The following RAPGEF4 variants were observed in gnomAD, a reference collection of about 807,000 sequenced individuals.
The protein encoded by RAPGEF4 is RAP guanine-nucleotide-exchange factor (GEF) 4.
A neutral mutation model predicts 147.9 loss-of-function variants in RAPGEF4; 66 were observed. That is an observed-to-expected ratio of 0.45 (90% CI 0.37 to 0.55). The LOEUF is 0.55. Among genes scored for constraint, RAPGEF4 ranks in the 20% least tolerant of loss-of-function variants. RAPGEF4 has a pLI of 0.00. For missense variants in RAPGEF4, 1,071 were observed against 1,257.3 expected, an observed-to-expected ratio of 0.85 and a Z score of 2.24; for synonymous variants, 419 against 442.7, an observed-to-expected ratio of 0.95 and a Z score of 0.67.
chr2:173,036,772 C>T lies in RAPGEF4; in HGVS notation c.2853+80C>T, dbSNP rs562512653. On this transcript the variant is annotated intron_variant, in intron 29 of 30. Transcript: ENST00000397081. ...TTTTTTCTAATAAAGGAAATAATTT[C>T]CATATATGCTGCCCTGCTAAAAAGG... is the stretch of plus-strand genomic sequence containing the variant. The T allele has an allele frequency of 4.0e-5, 40 of 989,528 alleles. No homozygotes were observed. The South Asian group carries it at 5.5e-4, about 14-fold the overall frequency. The allele number at this position is 989,528 out of a possible 1,614,324, so 61.3% of individuals were successfully genotyped here.
At chr2:172,743,957 T>C (rs1694540855) in intron 1 of RAPGEF4, among the ~76,000 whole-genome samples, 2 of 152,230 alleles carry the variant, frequency 1.3e-5, no homozygotes. Context: ...GCATTCTTTG[T>C]TTGGTGTTCT....
chr2:173,005,373 C>T (rs1355560879), intron 17 of RAPGEF4, among the ~76,000 whole-genome samples: 5 of 152,016 alleles, frequency 3.3e-5, no homozygotes, highest in Non-Finnish European at 5.9e-5. Flanking sequence ...GTGATCACAA[C>T]GAAGTCAATA....
At position 172,835,575 on chromosome 2, in the gene RAPGEF4, G is replaced by A. The variant is rs187617260; in HGVS notation, c.444+21150G>A. On this transcript the variant is annotated intron_variant, in intron 4 of 30. Coordinates refer to ENST00000397081, the MANE Select transcript of RAPGEF4 (RefSeq NM_007023.4). ...ATAATAAAATATAGCTTGTGTGGTG[G>A]TGGCATGCCTAGCACATGAATAAAC... is the stretch of plus-strand genomic sequence containing the variant. 3.9e-5 allele frequency among the ~76,000 whole-genome samples: 6 copies of A among 152,226 alleles called. No homozygotes were observed. The East Asian group carries it at 1.2e-3, about 29-fold the overall frequency.
intron 4 of RAPGEF4, among the ~76,000 whole-genome samples, chr2:172,901,196 T>C: frequency 6.6e-6 from 1 of 152,236 alleles, no homozygotes; most frequent in East Asian, 1.9e-4. Context: ...TTTTTAAAAC[T>C]AAATTTTCAC....
chr2:172,956,191 G>A (rs1056898279), intron 6 of RAPGEF4, among the ~76,000 whole-genome samples: 1 of 152,244 alleles, frequency 6.6e-6, no homozygotes, highest in Admixed American at 6.5e-5. Context: ...ACCTGGCTCA[G>A]GCCCTGGTCA....
At position 172,814,422 on chromosome 2, in the gene RAPGEF4, G is replaced by A; in HGVS notation, c.441G>A (p.Trp147Ter). 6.2e-7 allele frequency: 1 copy of A among 1,614,116 alleles called. No individual in the cohort carries two copies. ...RIEQKDFKAL[W>*]EKYRQYMAGL... ...AGCAGAAGGACTTCAAGGCACTATG[G>A]GAGGTGAGCCCTAAGGCTTCTTTGT... Residue 147 changes from tryptophan to a stop codon, truncating the protein, a stop_gained, in exon 4 of 31, where the codon TGG becomes TGA. Coordinates refer to ENST00000397081, the MANE Select transcript of RAPGEF4 (RefSeq NM_007023.4). LOFTEE classifies it high-confidence loss of function.
chr2:172,776,967 A>G (rs1317239734), intron 1 of RAPGEF4, among the ~76,000 whole-genome samples: 1 of 151,938 alleles, frequency 6.6e-6, no homozygotes, highest in African/African-American at 2.4e-5. Flanking sequence ...ACATCTTCCT[A>G]TTTCTTTGCA....
intron 6 of RAPGEF4, among the ~76,000 whole-genome samples, chr2:172,928,847 C>T (rs1448678378): frequency 6.6e-6 from 1 of 152,168 alleles, no homozygotes; most frequent in African/African-American, 2.4e-5. Context: ...ATGAGTTTCT[C>T]TTTGGCCAAC....
chr2:172,773,781 A>G (rs1376562552), intron 1 of RAPGEF4, among the ~76,000 whole-genome samples: 1 of 148,940 alleles, frequency 6.7e-6, no homozygotes, highest in African/African-American at 2.5e-5. Context: ...AAAACAAAAC[A>G]AAACAAATGT....
chr2:172,945,623 A>G (rs948620156), intron 6 of RAPGEF4, among the ~76,000 whole-genome samples: 5 of 152,190 alleles, frequency 3.3e-5, no homozygotes, highest in Non-Finnish European at 7.4e-5. Context: ...GTGTAGGACA[A>G]AGACCTTTTT....
At chr2:172,849,424 TTCTC>T (rs1260238922) in intron 4 of RAPGEF4, among the ~76,000 whole-genome samples, 6 of 152,200 alleles carry the variant, frequency 3.9e-5, no homozygotes, top group Non-Finnish European at 5.9e-5. Flanking sequence ...ATAGGGAAAA[TTCTC>T]TCTTTTTTCT....
At chr2:172,994,349 G>A (rs1471564921) in intron 15 of RAPGEF4, among the ~76,000 whole-genome samples, 2 of 152,162 alleles carry the variant, frequency 1.3e-5, no homozygotes, top group African/African-American at 2.4e-5. Context: ...TCTCCATGTG[G>A]AGCGTCTTGC....
At chr2:172,972,579 C>A (rs1473362388) in intron 10 of RAPGEF4, among the ~76,000 whole-genome samples, 1 of 152,188 alleles carries the variant, frequency 6.6e-6, no homozygotes, top group Non-Finnish European at 1.5e-5. Context: ...CAAGTGAAAG[C>A]TTGTAGAATT....
chr2:172,750,283 G>T (rs756625092), intron 1 of RAPGEF4, among the ~76,000 whole-genome samples: 66 of 151,960 alleles, frequency 4.3e-4, no homozygotes, highest in Non-Finnish European at 8.5e-4. Flanking sequence ...AATTTATAAA[G>T]AAAAAAAGGT....
chr2:172,771,793 A>G (rs955127959), intron 1 of RAPGEF4, among the ~76,000 whole-genome samples: 1 of 152,166 alleles, frequency 6.6e-6, no homozygotes, highest in Non-Finnish European at 1.5e-5. Context: ...TGCATCTGCA[A>G]GTAAGTAAAC....
At chr2:172,771,583 G>A (rs757917901) in intron 1 of RAPGEF4, among the ~76,000 whole-genome samples, 19 of 150,680 alleles carry the variant, frequency 1.3e-4, no homozygotes, top group South Asian at 4.2e-4. Context: ...ACAAACTCTC[G>A]TAAGTGTTAT....
intron 1 of RAPGEF4, among the ~76,000 whole-genome samples, chr2:172,787,140 A>G (rs1685291171): frequency 6.6e-6 from 1 of 152,108 alleles, no homozygotes; most frequent in South Asian, 2.1e-4. Flanking sequence ...TAAACCTGGG[A>G]GGTAGAGGTT....
chr2:172,843,771 G>A (rs1470686895), intron 4 of RAPGEF4, among the ~76,000 whole-genome samples: 1 of 152,186 alleles, frequency 6.6e-6, no homozygotes, highest in African/African-American at 2.4e-5. Context: ...TTTCATGGAT[G>A]AGAATAGCGT....
chr2:172,748,219 G>A (rs953872407), intron 1 of RAPGEF4, among the ~76,000 whole-genome samples: 33 of 152,298 alleles, frequency 2.2e-4, no homozygotes, highest in African/African-American at 7.5e-4. Flanking sequence ...TCGTAAAGTA[G>A]TTCTAATCTT....
Sources: allele counts gnomAD v4.1 joint callset (sites outside exome capture counted in the v4.1 genomes callset), GRCh38; gene constraint gnomAD v4.1.1; transcripts MANE v1.5; gene names NCBI Gene and HGNC (gene_info 2026-07-23, HGNC 2026-07-21).